ADAMTS6: variants seen among roughly 807,000 people sequenced by gnomAD.
The protein encoded by ADAMTS6 is ADAM metallopeptidase with thrombospondin type 1 motif 6.
A neutral mutation model predicts 144.3 loss-of-function variants in ADAMTS6; 23 were observed. The ratio of observed to expected loss-of-function variants is 0.16; its 90% CI spans 0.11 to 0.23. The LOEUF is 0.23. ADAMTS6 is among the 10% of genes least tolerant of loss of function. ADAMTS6 has a pLI of 1.00. For synonymous variants in ADAMTS6, 444 were observed against 457.5 expected, an observed-to-expected ratio of 0.97 and a Z score of 0.38; for missense variants, 999 against 1,379.6, an observed-to-expected ratio of 0.72 and a Z score of 4.37.
At chr5:65,156,075 A>G (rs1256559522) in intron 24 of ADAMTS6, among the ~76,000 whole-genome samples, 1 of 152,290 alleles carries the variant, frequency 6.6e-6, no homozygotes, top group Middle Eastern at 3.4e-3. Context: ...TAATCTTCAA[A>G]ATATTAGTAC....
intron 7 of ADAMTS6, among the ~76,000 whole-genome samples, chr5:65,381,050 T>C (rs1751993303): frequency 7.0e-6 from 1 of 143,250 alleles, no homozygotes; most frequent in Admixed American, 6.7e-5. Context: ...ATGATAAACA[T>C]AATTATAACC....
In ADAMTS6 at chr5:65,363,899, T is replaced by C. The variant is rs565171346; in HGVS notation, c.1074-29814A>G. On this transcript the variant is annotated intron_variant, in intron 7 of 24. Coordinates refer to ENST00000381055, the MANE Select transcript of ADAMTS6 (RefSeq NM_197941.4). ...GTATCAAATAGAAATGTTAATGTTGTGAAAAGCTTGTGCCTAACTATAAAT... is the reference window on the plus strand; with the variant it reads ...GTATCAAATAGAAATGTTAATGTTGCGAAAAGCTTGTGCCTAACTATAAAT... Among the ~76,000 whole-genome samples, 5 of 152,348 alleles carry C rather than the reference T, an allele frequency of 3.3e-5. No homozygotes were observed. In the East Asian group the frequency reaches 9.6e-4, roughly 29 times the overall value.
chr5:65,189,047 A>G lies in ADAMTS6; in HGVS notation c.2706-827T>C, dbSNP rs545219508. Among the ~76,000 whole-genome samples the G allele has an allele frequency of 3.9e-5, 6 of 152,336 alleles. 1 individual carries two copies. The highest frequency in any genetic ancestry group is 1.9e-4 in the East Asian group (1 of 5,182). On this transcript the variant is annotated intron_variant, in intron 21 of 24. Coordinates refer to ENST00000381055, the MANE Select transcript of ADAMTS6 (RefSeq NM_197941.4). ...AAGAGCAGAGCTCTGAGCTAGCTCT[A>G]TGAAAACAGGCAGATCTCTTGTTTC...
intron 7 of ADAMTS6, among the ~76,000 whole-genome samples, chr5:65,339,455 C>CAAAAAAA (rs538468970): frequency 2.4e-4 from 26 of 108,680 alleles, no homozygotes; most frequent in African/African-American, 7.9e-4. Context: ...ATAAAAAAAG[C>CAAAAAAA]AAAAAAAAAA....
intron 10 of ADAMTS6, among the ~76,000 whole-genome samples, chr5:65,295,162 T>C (rs2112777314): frequency 6.6e-6 from 1 of 152,276 alleles, no homozygotes; most frequent in African/African-American, 2.4e-5. Flanking sequence ...TTGCAAATTA[T>C]GCTGATATGA....
At chr5:65,259,206 T>C (rs560356686) in intron 14 of ADAMTS6, among the ~76,000 whole-genome samples, 1 of 32,226 alleles carries the variant, frequency 3.1e-5, no homozygotes, top group South Asian at 7.4e-4. Context: ...AAAAAGTGTA[T>C]ATATATATAT....
At chr5:65,313,128 A>AAC (rs61525269) in intron 9 of ADAMTS6, among the ~76,000 whole-genome samples, 23,370 of 135,516 alleles carry the variant, frequency 0.17, 2,117 homozygotes, top group South Asian at 0.22. Flanking sequence ...TTATTTCTGC[A>AAC]ACACACACAC....
intron 21 of ADAMTS6, among the ~76,000 whole-genome samples, chr5:65,195,943 C>A (rs1325894702): frequency 6.6e-6 from 1 of 152,216 alleles, no homozygotes; most frequent in African/African-American, 2.4e-5. Flanking sequence ...ATCACATAAT[C>A]ATCTTGAGCC....
intron 11 of ADAMTS6, among the ~76,000 whole-genome samples, chr5:65,285,470 C>T (rs1763290093): frequency 6.6e-6 from 1 of 152,104 alleles, no homozygotes; most frequent in South Asian, 2.1e-4. Context: ...ATAAACAAGT[C>T]AGGTGGAATC....
At chr5:65,163,416 C>A (rs1018245344) in intron 24 of ADAMTS6, among the ~76,000 whole-genome samples, 2 of 152,070 alleles carry the variant, frequency 1.3e-5, no homozygotes, top group African/African-American at 4.8e-5. Flanking sequence ...TAGGGTTATA[C>A]ATTTTGAAAG....
chr5:65,321,708 CTTTTTTTTTTTTT>C (rs529236363), intron 9 of ADAMTS6, among the ~76,000 whole-genome samples: 3 of 78,852 alleles, frequency 3.8e-5, no homozygotes, highest in East Asian at 4.4e-4. Context: ...TTTTCTTTTC[CTTTTTTTTTTTTT>C]TTTTTTTTTT....
chr5:65,152,363 T>A (rs1196726022), intron 24 of ADAMTS6, among the ~76,000 whole-genome samples: 1 of 152,120 alleles, frequency 6.6e-6, no homozygotes, highest in African/African-American at 2.4e-5. Context: ...CAAACATGAG[T>A]TGCATTGTTT....
chr5:65,361,786 T>A (rs1749844607), intron 7 of ADAMTS6, among the ~76,000 whole-genome samples: 2 of 152,074 alleles, frequency 1.3e-5, no homozygotes, highest in East Asian at 3.9e-4. Context: ...CAGGCTGGAG[T>A]GCAGTTGCAT....
At chr5:65,468,209 C>T (rs375638122) in intron 3 of ADAMTS6, among the ~76,000 whole-genome samples, 2 of 151,882 alleles carry the variant, frequency 1.3e-5, no homozygotes, top group East Asian at 1.9e-4. Context: ...TGAGGAGATA[C>T]GATTAGAAAA....
intron 7 of ADAMTS6, among the ~76,000 whole-genome samples, chr5:65,341,623 A>G (rs1034969455): frequency 4.6e-4 from 70 of 152,262 alleles, no homozygotes; most frequent in African/African-American, 1.6e-3. Flanking sequence ...TCCTGGACAC[A>G]TGCAACTTAC....
rs1412821198 is a variant in ADAMTS6 at position 65,452,145 on chromosome 5, G to A, written c.915C>T (p.Leu305=). Residue 305 remains leucine (L), a synonymous_variant, in exon 6 of 25, where the codon CTC becomes CTT. Transcript: ENST00000381055. ...AACTCATTCTTACCTGATCTTCTGT[G>A]AGAACAATTAAGCGGGCCACTATAA... is the stretch of plus-strand genomic sequence containing the variant. The part of the protein sequence containing the change: ...VNIIVARLIV[L]TEDQPNLEIN... 2 of 1,608,642 alleles carry A rather than the reference G, an allele frequency of 1.2e-6. No individual in the cohort carries two copies. Among genetic ancestry groups the A allele is most frequent in the East Asian group, 2.2e-5 (1 of 44,782 alleles).
At chr5:65,313,031 C>G (rs971634266) in intron 9 of ADAMTS6, among the ~76,000 whole-genome samples, 4 of 151,912 alleles carry the variant, frequency 2.6e-5, no homozygotes, top group African/African-American at 9.7e-5. Flanking sequence ...TACAAATTAA[C>G]TTCTTTATTT....
intron 4 of ADAMTS6, 118 bp downstream of exon 4, chr5:65,460,052 T>G: frequency 1.8e-6 from 2 of 1,140,308 alleles, no homozygotes; most frequent in Non-Finnish European, 2.4e-6. Context: ...GCTCTGGACA[T>G]TATAATTGTA....
At chr5:65,432,303 C>G (rs1034546822) in intron 7 of ADAMTS6, among the ~76,000 whole-genome samples, 13 of 151,988 alleles carry the variant, frequency 8.6e-5, no homozygotes, top group Middle Eastern at 3.4e-3. Context: ...TCCTCTCTAC[C>G]TCACTCATCA....
Sources: gnomAD v4.1 joint callset for allele counts (sites outside exome capture counted in the v4.1 genomes callset) on GRCh38, gnomAD v4.1.1 for gene constraint, MANE v1.5 for transcripts, NCBI Gene and HGNC (gene_info 2026-07-23, HGNC 2026-07-21) for gene names.